RPRD2: variants seen among roughly 807,000 people sequenced by gnomAD.
RPRD2 encodes regulation of nuclear pre-mRNA domain containing 2.
Under a neutral mutation model 104.4 loss-of-function variants are expected in RPRD2, and 12 were observed. The ratio of observed to expected loss-of-function variants is 0.11; its 90% CI spans 0.07 to 0.19. The LOEUF (loss-of-function observed/expected upper bound fraction) is 0.19, where lower values mean the gene tolerates loss of function less well. Ranked by LOEUF, RPRD2 falls within the 10% of genes least tolerant of loss-of-function variation. RPRD2 has a pLI of 1.00. For synonymous variants in RPRD2, 714 were observed against 684.9 expected (o/e 1.04, Z -0.66); for missense variants, 1,543 against 1,790.1 (o/e 0.86, Z 2.49).
chr1:150,385,262 G>C (rs1393810977), intron 1 of RPRD2, among the ~76,000 whole-genome samples: 3 of 152,012 alleles, frequency 2.0e-5, no homozygotes, highest in Non-Finnish European at 2.9e-5. Context: ...GGGAGTTTGA[G>C]ATCAGCTGGG....
intron 10 of RPRD2, among the ~76,000 whole-genome samples, chr1:150,470,034 A>T (rs1378300793): frequency 6.6e-6 from 1 of 151,982 alleles, no homozygotes; most frequent in African/African-American, 2.4e-5. Context: ...AGTTTCTGAA[A>T]TTTGCATTTG....
intron 1 of RPRD2, among the ~76,000 whole-genome samples, chr1:150,369,737 G>A (rs1423006561): frequency 6.1e-5 from 9 of 148,306 alleles, no homozygotes; most frequent in Non-Finnish European, 1.2e-4. Context: ...GATTACAGGC[G>A]TGAGCCACTG....
chr1:150,420,929 C>A (rs1553889542), intron 2 of RPRD2, among the ~76,000 whole-genome samples: 2 of 152,150 alleles, frequency 1.3e-5, no homozygotes, highest in African/African-American at 4.8e-5. Flanking sequence ...GGGGGGCAAC[C>A]CTTTTCTGTA....
intron 1 of RPRD2, among the ~76,000 whole-genome samples, chr1:150,407,068 T>G (rs1663542193): frequency 6.6e-6 from 1 of 152,230 alleles, no homozygotes; most frequent in South Asian, 2.1e-4. Flanking sequence ...GTACATCTCT[T>G]GATGTCTCTA....
intron 7 of RPRD2, among the ~76,000 whole-genome samples, chr1:150,447,143 G>T (rs1377191943): frequency 6.6e-6 from 1 of 151,222 alleles, no homozygotes; most frequent in Admixed American, 6.6e-5. Context: ...CCCAATTTTT[G>T]TATTTTTAGT....
At chr1:150,443,056 C>T (rs1175162552) in intron 4 of RPRD2, among the ~76,000 whole-genome samples, 175 bp from the exon 5 acceptor site, 1 of 151,804 alleles carries the variant, frequency 6.6e-6, no homozygotes, top group Admixed American at 6.6e-5. Context: ...TTTACATTGA[C>T]CACATTTAGG....
chr1:150,383,026 T>C (rs1332019185), intron 1 of RPRD2, among the ~76,000 whole-genome samples: 3 of 152,032 alleles, frequency 2.0e-5, no homozygotes, highest in Non-Finnish European at 4.4e-5. Context: ...AGAGTCTCAC[T>C]GTGTCACCCA....
intron 7 of RPRD2, 135 bp from the exon 8 acceptor site, chr1:150,457,153 G>C (rs1171846755): frequency 4.1e-6 from 3 of 728,944 alleles, no homozygotes; most frequent in Non-Finnish European, 6.7e-6. Flanking sequence ...CAACCCAGGA[G>C]GCAGAGGTTG....
chr1:150,419,350 A>C (rs986730584), intron 2 of RPRD2, among the ~76,000 whole-genome samples: 2 of 152,210 alleles, frequency 1.3e-5, no homozygotes, highest in Non-Finnish European at 2.9e-5. Flanking sequence ...CCCAGTCAGA[A>C]CTGAATGATC....
chr1:150,373,533 C>CTTTATTTTTTTTTTTTT (rs1660477219), intron 1 of RPRD2, among the ~76,000 whole-genome samples: 1 of 97,420 alleles, frequency 1.0e-5, no homozygotes, highest in African/African-American at 3.8e-5. Flanking sequence ...TCAAGAATGA[C>CTTTATTTTTTTTTTTTT]TTTTTTTTTT....
At chr1:150,401,359 AAGCCTGTAGTTAC>A (rs1219522362) in intron 1 of RPRD2, among the ~76,000 whole-genome samples, 3 of 151,866 alleles carry the variant, frequency 2.0e-5, no homozygotes, top group Non-Finnish European at 2.9e-5. Flanking sequence ...ATGGTGGTGC[AAGCCTGTAGTTAC>A]AGCTACTCGG....
At chr1:150,430,085 G>C (rs1665448151) in intron 2 of RPRD2, among the ~76,000 whole-genome samples, 1 of 152,154 alleles carries the variant, frequency 6.6e-6, no homozygotes, top group African/African-American at 2.4e-5. Flanking sequence ...AAACAAACGT[G>C]CTCACAGTGA....
chr1:150,383,356 C>A (rs1553881174), intron 1 of RPRD2, among the ~76,000 whole-genome samples: 1 of 134,768 alleles, frequency 7.4e-6, no homozygotes, highest in Non-Finnish European at 1.5e-5. Flanking sequence ...GTTGCCTAGG[C>A]TGGAGTGCAG....
chr1:150,470,572 T>C lies in RPRD2; in HGVS notation c.1624T>C (p.Leu542=). 6.2e-7 allele frequency: 1 copy of C among 1,613,522 alleles called. No individual in the cohort carries two copies. The highest frequency in any genetic ancestry group is 8.5e-7 in the Non-Finnish European group (1 of 1,179,636). Residue 542 remains leucine (L), a synonymous_variant, in exon 11 of 11, where the codon TTA becomes CTA. Coordinates refer to ENST00000369068, the MANE Select transcript of RPRD2 (RefSeq NM_015203.5). ...SAPALQGLSS[L]LQSVTGNPVP... ...CTTTGTTTCTACAGGCCTGTCATCTTTACTTCAGAGTGTTACTGGGAACCC... is the reference window on the plus strand; with the variant it reads ...CTTTGTTTCTACAGGCCTGTCATCTCTACTTCAGAGTGTTACTGGGAACCC...
intron 1 of RPRD2, among the ~76,000 whole-genome samples, chr1:150,371,396 C>G (rs1260441776): frequency 6.6e-6 from 1 of 152,150 alleles, no homozygotes; most frequent in Non-Finnish European, 1.5e-5. Context: ...CGGAGTCTCT[C>G]TCTGTCACCC....
rs1553897930 is a variant in RPRD2, at chr1:150,457,683, C to T, written c.1153+113C>T. Reference sequence around the variant, plus strand: ...ATAGTTCATTTCTTAAAAGATAGAACACCAAGGTAGCATTATAATCTCTAG... The same window carrying T: ...ATAGTTCATTTCTTAAAAGATAGAATACCAAGGTAGCATTATAATCTCTAG... On this transcript the variant is annotated intron_variant, in intron 8 of 10. Coordinates refer to ENST00000369068, the MANE Select transcript of RPRD2 (RefSeq NM_015203.5). 3 of 895,138 alleles carry T rather than the reference C, an allele frequency of 3.4e-6. No homozygotes were observed. The East Asian group carries it at 7.2e-5, about 22-fold the overall frequency. 55.4% of individuals were successfully genotyped at this position (895,138 alleles called of 1,614,324 possible).
At chr1:150,424,375 C>T (rs145939733) in intron 2 of RPRD2, among the ~76,000 whole-genome samples, 2 of 152,064 alleles carry the variant, frequency 1.3e-5, no homozygotes, top group East Asian at 1.9e-4. Flanking sequence ...CTGCAACCTC[C>T]GCTTCCTGGG....
chr1:150,395,991 C>T (rs1423922776), intron 1 of RPRD2, among the ~76,000 whole-genome samples: 1 of 152,150 alleles, frequency 6.6e-6, no homozygotes, highest in East Asian at 1.9e-4. Flanking sequence ...TCACTGCATC[C>T]ATGCCAACTT....
intron 6 of RPRD2, 88 bp downstream of exon 6, chr1:150,444,465 A>C (rs1246299663): frequency 1.5e-6 from 2 of 1,365,814 alleles, no homozygotes; most frequent in Non-Finnish European, 2.0e-6. Context: ...CCTCATAAGG[A>C]GATCCTTGGG....
Sources: allele counts gnomAD v4.1 joint callset (sites outside exome capture counted in the v4.1 genomes callset), GRCh38; gene constraint gnomAD v4.1.1; transcripts MANE v1.5; gene names NCBI Gene and HGNC (gene_info 2026-07-23, HGNC 2026-07-21).